FBXO34: variants seen among roughly 807,000 people sequenced by gnomAD.
FBXO34 encodes F-box protein 34.
FBXO34 carries 12 observed loss-of-function variants against 24.5 expected under a neutral mutation model. That is an observed-to-expected ratio of 0.49 (90% confidence interval 0.31 to 0.79). The LOEUF (loss-of-function observed/expected upper bound fraction) is 0.79. Among genes scored for constraint, FBXO34 ranks in the 30% least tolerant of loss-of-function variants. FBXO34 has a pLI of 0.04. For missense variants in FBXO34, 823 were observed against 857.7 expected (o/e 0.96, Z 0.51); for synonymous variants, 320 against 311.9 (o/e 1.03, Z -0.27).
chr14:55,416,500 T>C, the FBXO34 span, among the ~76,000 whole-genome samples: 2 of 152,126 alleles, frequency 1.3e-5, no homozygotes, highest in Non-Finnish European at 2.9e-5. Flanking sequence ...GCCAAAAAGT[T>C]TACTATCTGT....
chr14:55,412,931 C>A, the FBXO34 span, among the ~76,000 whole-genome samples: 11 of 152,154 alleles, frequency 7.2e-5, no homozygotes, highest in Non-Finnish European at 1.2e-4. Context: ...CATATTAGCC[C>A]GTCCCTCCCT....
At chr14:55,422,807 C>T in the FBXO34 span, among the ~76,000 whole-genome samples, 2 of 151,980 alleles carry the variant, frequency 1.3e-5, no homozygotes, top group African/African-American at 4.8e-5. Flanking sequence ...GAGCTGAGAT[C>T]GCGCCGCCAT....
chr14:55,391,205 G>C, the FBXO34 span: 65,006 of 406,010 alleles, frequency 0.16, 5,788 homozygotes, highest in South Asian at 0.19. Context: ...GGCCAGTGCG[G>C]TGGCTCACGC....
chr14:55,437,360 C>T, the FBXO34 span, among the ~76,000 whole-genome samples: 1 of 152,230 alleles, frequency 6.6e-6, no homozygotes, highest in Admixed American at 6.5e-5. Flanking sequence ...TGCCTGTAAT[C>T]CCAGCTACTG....
chr14:55,329,020 C>G (rs369580543), intron 1 of FBXO34, among the ~76,000 whole-genome samples: 2 of 151,834 alleles, frequency 1.3e-5, no homozygotes, highest in African/African-American at 2.4e-5. Flanking sequence ...AATTGTCCCC[C>G]CCGTGTATCA....
intron 1 of FBXO34, among the ~76,000 whole-genome samples, chr14:55,328,365 C>CTTTA (rs1883422045): frequency 6.6e-6 from 1 of 152,166 alleles, no homozygotes; most frequent in African/African-American, 2.4e-5. Context: ...TACTCTTGCG[C>CTTTA]TTTAGGGCCA....
At chr14:55,374,217 T>G (rs1446992804), downstream of FBXO34, among the ~76,000 whole-genome samples, 1 of 73,808 alleles carries the variant, frequency 1.4e-5, no homozygotes, top group African/African-American at 4.0e-5. Context: ...TATTTTAATG[T>G]TTTTTTTTAA....
the FBXO34 span, chr14:55,414,539 C>A: frequency 1.0e-6 from 1 of 991,022 alleles, no homozygotes; most frequent in South Asian, 1.7e-5. Context: ...TGTATTGTCT[C>A]CAATTACTTT....
downstream of FBXO34, chr14:55,369,513 C>CTCTT (rs1323509834): frequency 4.4e-6 from 5 of 1,125,120 alleles, no homozygotes; most frequent in Non-Finnish European, 4.9e-6. Context: ...ACACTTTAAC[C>CTCTT]TCTTTGTTCC....
the FBXO34 span, among the ~76,000 whole-genome samples, chr14:55,432,642 A>C: frequency 3.9e-5 from 6 of 152,244 alleles, no homozygotes; most frequent in Admixed American, 6.5e-5. Flanking sequence ...AAACAATGTA[A>C]CTTTTTGTCA....
chr14:55,316,564 CAA>C (rs35008153), intron 1 of FBXO34, among the ~76,000 whole-genome samples: 4,767 of 118,104 alleles, frequency 0.04, 188 homozygotes, highest in African/African-American at 0.11. Flanking sequence ...CTGTCTCTAC[CAA>C]AAAAAAAAAA....
the FBXO34 span, chr14:55,414,526 C>G: frequency 1.3e-5 from 14 of 1,100,634 alleles, no homozygotes; most frequent in Non-Finnish European, 1.7e-5. Context: ...ACTAAAATTT[C>G]ATTGTATTGT....
At chr14:55,433,526 G>A in the FBXO34 span, 2 of 1,043,608 alleles carry the variant, frequency 1.9e-6, no homozygotes, top group East Asian at 4.8e-5. Flanking sequence ...AGCAAAGAAA[G>A]GCATTTTGCT....
At chr14:55,297,783 A>G (rs767185952) in intron 1 of FBXO34, among the ~76,000 whole-genome samples, 101 of 152,332 alleles carry the variant, frequency 6.6e-4, no homozygotes, top group Admixed American at 3.9e-3. Context: ...ATTATTTGGT[A>G]AAAAAAGAAA....
At chr14:55,394,265 A>C in the FBXO34 span, among the ~76,000 whole-genome samples, 1 of 151,910 alleles carries the variant, frequency 6.6e-6, no homozygotes, top group Admixed American at 6.6e-5. Context: ...TCAGCCTCCC[A>C]AAGTGCTGGG....
chr14:55,412,052 A>G, the FBXO34 span, among the ~76,000 whole-genome samples: 3 of 152,222 alleles, frequency 2.0e-5, no homozygotes, highest in Non-Finnish European at 4.4e-5. Flanking sequence ...GCCAAACAAA[A>G]TGTCATCTGC....
At chr14:55,332,983 T>G (rs1883650513) in intron 1 of FBXO34, among the ~76,000 whole-genome samples, 1 of 152,182 alleles carries the variant, frequency 6.6e-6, no homozygotes, top group African/African-American at 2.4e-5. Context: ...AATGAGATGT[T>G]TGTGAAAATA....
downstream of FBXO34, among the ~76,000 whole-genome samples, chr14:55,355,386 C>CGCCCT (rs1198021192): frequency 6.6e-6 from 1 of 152,196 alleles, no homozygotes; most frequent in East Asian, 1.9e-4. Context: ...TGCCTTTCAG[C>CGCCCT]GCCCTCTGCA....
chr14:55,433,163 C>T, the FBXO34 span, among the ~76,000 whole-genome samples: 2 of 152,020 alleles, frequency 1.3e-5, no homozygotes, highest in Non-Finnish European at 2.9e-5. Context: ...GGGTCTTGCT[C>T]TGTAACTCAG....
Sources: allele counts gnomAD v4.1 joint callset (sites outside exome capture counted in the v4.1 genomes callset), GRCh38; gene constraint gnomAD v4.1.1; transcripts MANE v1.5; gene names NCBI Gene and HGNC (gene_info 2026-07-23, HGNC 2026-07-21).